The following HHIP variants were observed in gnomAD, a reference collection of about 807,000 sequenced individuals.
HHIP encodes hedgehog interacting protein.
Under a neutral mutation model 74.0 loss-of-function variants are expected in HHIP, and 12 were observed. That is an observed-to-expected ratio of 0.16 (90% CI 0.10 to 0.26). The LOEUF is 0.26. HHIP is among the 10% of genes least tolerant of loss of function. The pLI is 1.00. For missense variants in HHIP, 788 were observed against 845.0 expected, an observed-to-expected ratio of 0.93 and a Z score of 0.84; for synonymous variants, 309 against 311.6, an observed-to-expected ratio of 0.99 and a Z score of 0.09.
At position 144,742,998 on chromosome 4, in the gene HHIP, A is replaced by T. The variant is rs1440425065; in HGVS notation, c.*5041A>T. ...ATATATATATACATTATATATATAT[A>T]ATATATATATATTATATATATATAA... On this transcript the variant is annotated 3_prime_UTR_variant, in exon 13 of 13. Transcript: ENST00000296575. 28 of 688 alleles carry T rather than the reference A, an allele frequency of 0.041. 2 individuals carry two copies. The highest frequency in any genetic ancestry group is 0.06 in the African/African-American group (26 of 434). 0.0% of individuals were successfully genotyped at this position (688 alleles called of 1,614,324 possible).
At position 144,734,806 on chromosome 4, in the gene HHIP, C is replaced by T; in HGVS notation, c.1826C>T (p.Ser609Phe). The T allele has an allele frequency of 6.2e-7, 1 of 1,613,004 alleles. No homozygotes were observed. Among genetic ancestry groups the T allele is most frequent in the South Asian group, 1.1e-5 (1 of 90,962 alleles). The stretch of plus-strand genomic sequence containing the variant: ...GCACAGACACTGACTTCAGAGTGCT[C>T]CAGGCTCTGTCGAAACGGCTACTGC... Reference protein sequence around the residue: ...QPAQTLTSECSRLCRNGYCTP... With the variant: ...QPAQTLTSECFRLCRNGYCTP... Residue 609 changes from serine to phenylalanine, a missense_variant, in exon 12 of 13, where the codon TCC (serine) becomes TTC (phenylalanine). Coordinates refer to ENST00000296575, the MANE Select transcript of HHIP (RefSeq NM_022475.3).
chr4:144,735,374 T>C (rs913635076), intron 12 of HHIP, among the ~76,000 whole-genome samples: 2 of 152,194 alleles, frequency 1.3e-5, no homozygotes, highest in African/African-American at 4.8e-5. Flanking sequence ...GAAAATGCAA[T>C]TATCTAGAGA....
At chr4:144,711,123 T>C (rs1483640342) in intron 7 of HHIP, among the ~76,000 whole-genome samples, 1 of 152,166 alleles carries the variant, frequency 6.6e-6, no homozygotes, top group Non-Finnish European at 1.5e-5. Flanking sequence ...ATGGAAAACA[T>C]GAAAACAGAG....
chr4:144,711,915 G>T, intron 7 of HHIP, 35 bp from the exon 8 acceptor site: 1 of 1,594,530 alleles, frequency 6.3e-7, no homozygotes, highest in Non-Finnish European at 8.5e-7. Flanking sequence ...AAAGATCACG[G>T]TAGGAATTAA....
chr4:144,657,252 A>G (rs1455719772), intron 2 of HHIP, among the ~76,000 whole-genome samples: 1 of 152,016 alleles, frequency 6.6e-6, no homozygotes, highest in Non-Finnish European at 1.5e-5. Flanking sequence ...AGCACACAGA[A>G]AGTAAACTTG....
intron 4 of HHIP, among the ~76,000 whole-genome samples, chr4:144,680,987 T>C (rs934208130): frequency 2.6e-5 from 4 of 152,202 alleles, no homozygotes; most frequent in African/African-American, 9.6e-5. Flanking sequence ...TAACTATATA[T>C]TTTGACTGAC....
At chr4:144,736,261 G>C (rs1731117876) in intron 12 of HHIP, among the ~76,000 whole-genome samples, 1 of 149,944 alleles carries the variant, frequency 6.7e-6, no homozygotes, top group Non-Finnish European at 1.5e-5. Context: ...TCAGCTTCCC[G>C]AGTAGCTTGG....
In HHIP at chr4:144,743,878, A is replaced by C. The variant is rs921958072; in HGVS notation, c.*5921A>C. The C allele has an allele frequency of 1.3e-5, 2 of 152,152 alleles. No homozygotes were observed. Among genetic ancestry groups the C allele is most frequent in the Admixed American group, 1.3e-4 (2 of 15,268 alleles). 9.4% of individuals were successfully genotyped at this position (152,152 alleles called of 1,614,324 possible). A position where few individuals can be genotyped will look rare whatever the true frequency, so the allele number is the denominator to read the frequency against. On this transcript the variant is annotated 3_prime_UTR_variant, in exon 13 of 13. Coordinates refer to ENST00000296575, the MANE Select transcript of HHIP (RefSeq NM_022475.3). ...TTGATAGTTTCCATTCACATGAACA[A>C]GTTATAATCAGGTTTGGGATAGTAT...
intron 4 of HHIP, among the ~76,000 whole-genome samples, chr4:144,698,212 G>A (rs1473668007): frequency 6.6e-6 from 1 of 152,122 alleles, no homozygotes; most frequent in Non-Finnish European, 1.5e-5. Context: ...AGATTTCTTT[G>A]TCAGGTGTGA....
At chr4:144,680,820 G>A (rs1214205534) in intron 4 of HHIP, among the ~76,000 whole-genome samples, 3 of 152,292 alleles carry the variant, frequency 2.0e-5, no homozygotes, top group African/African-American at 7.2e-5. Flanking sequence ...TTGGACTTGT[G>A]TCCAGGATTA....
At chr4:144,678,740 C>T (rs1008112445) in intron 4 of HHIP, among the ~76,000 whole-genome samples, 3 of 152,132 alleles carry the variant, frequency 2.0e-5, no homozygotes, top group East Asian at 1.9e-4. Flanking sequence ...TTTATGGCTA[C>T]GTAGTATTCC....
intron 4 of HHIP, among the ~76,000 whole-genome samples, chr4:144,682,806 T>C (rs1272809229): frequency 2.0e-5 from 3 of 152,252 alleles, no homozygotes. Flanking sequence ...TTTTCAAAGA[T>C]CACTGGCCAA....
rs961172021 is a variant in HHIP, at chr4:144,740,408, G to A, written c.*2451G>A. On this transcript the variant is annotated 3_prime_UTR_variant, in exon 13 of 13. Transcript: ENST00000296575. ...CCCAGGTGTCATTGCCTTTTCTTTT[G>A]TGAGTCATTAGAATGAAAGGCCAAG... The A allele has an allele frequency of 1.3e-5, 2 of 152,092 alleles. No homozygotes were observed. The highest frequency in any genetic ancestry group is 6.5e-5 in the Admixed American group (1 of 15,268). 9.4% of individuals were successfully genotyped at this position (152,092 alleles called of 1,614,324 possible).
At chr4:144,708,040 G>A (rs1266672192) in intron 6 of HHIP, 128 bp from the exon 7 acceptor site, 3 of 976,424 alleles carry the variant, frequency 3.1e-6, no homozygotes, top group Non-Finnish European at 3.1e-6. Flanking sequence ...ACTGCATCCA[G>A]CCACTTTAAT....
intron 12 of HHIP, 125 bp downstream of exon 12, chr4:144,735,014 T>A: frequency 1.2e-6 from 1 of 812,534 alleles, no homozygotes; most frequent in African/African-American, 1.7e-5. Context: ...CCATTTACAA[T>A]ACTATTAATG....
At chr4:144,650,317 A>G (rs1398594564) in intron 1 of HHIP, among the ~76,000 whole-genome samples, 1 of 152,140 alleles carries the variant, frequency 6.6e-6, no homozygotes, top group Non-Finnish European at 1.5e-5. Context: ...CACAATGATT[A>G]CTAGGCATGC....
chr4:144,703,995 T>C (rs1377095620), intron 4 of HHIP, among the ~76,000 whole-genome samples: 1 of 152,248 alleles, frequency 6.6e-6, no homozygotes, highest in Non-Finnish European at 1.5e-5. Flanking sequence ...AACATAATTC[T>C]GAAGTCTAAT....
At position 144,740,052 on chromosome 4, in the gene HHIP, C is replaced by T. The variant is rs191898809; in HGVS notation, c.*2095C>T. The stretch of plus-strand genomic sequence containing the variant: ...TACCATCTAATTGTCCCTTATTCAA[C>T]GTGGGTGACATTAACAAAATGTGAA... On this transcript the variant is annotated 3_prime_UTR_variant, in exon 13 of 13. Coordinates refer to ENST00000296575, the MANE Select transcript of HHIP (RefSeq NM_022475.3). 18 of 152,212 alleles carry T rather than the reference C, an allele frequency of 1.2e-4. No homozygotes were observed. The allele number at this position is 152,212 out of a possible 1,614,324, so 9.4% of individuals were successfully genotyped here.
chr4:144,723,510 C>T (rs1006585922), intron 11 of HHIP, among the ~76,000 whole-genome samples: 3 of 152,216 alleles, frequency 2.0e-5, no homozygotes, highest in Admixed American at 6.5e-5. Flanking sequence ...CAGCAGGCAG[C>T]TCTGCCATCC....
Sources: gnomAD v4.1 joint callset for allele counts (sites outside exome capture counted in the v4.1 genomes callset) on GRCh38, gnomAD v4.1.1 for gene constraint, MANE v1.5 for transcripts, NCBI Gene and HGNC (gene_info 2026-07-23, HGNC 2026-07-21) for gene names.